Variants in KCNQ3 observed in about 807,000 individuals in gnomAD.
KCNQ3 encodes potassium voltage-gated channel subfamily KQT member 3.
KCNQ3 carries 30 observed loss-of-function variants against 92.5 expected under a neutral mutation model. That is an observed-to-expected ratio of 0.32 (90% confidence interval 0.24 to 0.44). KCNQ3 has a LOEUF of 0.44. Among genes scored for constraint, KCNQ3 ranks in the 20% least tolerant of loss-of-function variants. The probability of loss-of-function intolerance (pLI) is 1.00; values close to 1 mark genes in which losing one functional copy is unlikely to be tolerated. For synonymous variants in KCNQ3, 450 were observed against 468.8 expected, an observed-to-expected ratio of 0.96 and a Z score of 0.52; for missense variants, 913 against 1,140.3, an observed-to-expected ratio of 0.80 and a Z score of 2.87.
chr8:132,444,512 A>G (rs1030045446), intron 1 of KCNQ3, among the ~76,000 whole-genome samples: 3 of 152,208 alleles, frequency 2.0e-5, no homozygotes, highest in Non-Finnish European at 4.4e-5. Flanking sequence ...AGCAGCTGGG[A>G]CTGAACTTAG....
intron 1 of KCNQ3, among the ~76,000 whole-genome samples, chr8:132,189,274 G>A (rs1827085110): frequency 6.6e-6 from 1 of 152,130 alleles, no homozygotes; most frequent in African/African-American, 2.4e-5. Flanking sequence ...CTCTCTGCAG[G>A]CTCCCTTGTG....
chr8:132,275,375 A>G (rs917554769), intron 1 of KCNQ3, among the ~76,000 whole-genome samples: 8 of 152,282 alleles, frequency 5.3e-5, no homozygotes, highest in Admixed American at 5.2e-4. Flanking sequence ...AGCAAACTCA[A>G]TGAATTTATT....
At chr8:132,282,825 C>T (rs1457781) in intron 1 of KCNQ3, among the ~76,000 whole-genome samples, 68,630 of 152,078 alleles carry the variant, frequency 0.45, 17,647 homozygotes, top group East Asian at 0.73. Flanking sequence ...GATGGGGAAA[C>T]CTGCATGTTA....
intron 3 of KCNQ3, among the ~76,000 whole-genome samples, 183 bp from the exon 4 acceptor site, chr8:132,180,512 C>A (rs1826724532): frequency 1.3e-5 from 2 of 152,188 alleles, no homozygotes; most frequent in Non-Finnish European, 2.9e-5. Context: ...TCTCCCATGA[C>A]TGATGAGGAA....
chr8:132,475,113 T>C (rs1001758399), intron 1 of KCNQ3, among the ~76,000 whole-genome samples: 1 of 152,170 alleles, frequency 6.6e-6, no homozygotes, highest in Non-Finnish European at 1.5e-5. Context: ...TCTGCCACGA[T>C]TGTAGGTTTC....
intron 1 of KCNQ3, among the ~76,000 whole-genome samples, chr8:132,281,114 A>G (rs1487063513): frequency 6.6e-6 from 1 of 152,148 alleles, no homozygotes; most frequent in East Asian, 1.9e-4. Flanking sequence ...GACTTCATTT[A>G]ATAGTCCACA....
At chr8:132,380,671 C>A (rs1213148685) in intron 1 of KCNQ3, among the ~76,000 whole-genome samples, 3 of 151,780 alleles carry the variant, frequency 2.0e-5, no homozygotes, top group Non-Finnish European at 4.4e-5. Flanking sequence ...TTTTTCCCAC[C>A]CTCCCTCCCT....
At chr8:132,305,746 C>G (rs865870179) in intron 1 of KCNQ3, among the ~76,000 whole-genome samples, 17 of 152,094 alleles carry the variant, frequency 1.1e-4, no homozygotes, top group African/African-American at 4.1e-4. Context: ...CCTCTTGTCC[C>G]TTCAACTTGG....
intron 1 of KCNQ3, among the ~76,000 whole-genome samples, chr8:132,345,889 GTGATGA>G (rs1020441488): frequency 1.3e-5 from 2 of 151,900 alleles, no homozygotes; most frequent in African/African-American, 4.8e-5. Context: ...GGATGGAATG[GTGATGA>G]TGATGATGAT....
chr8:132,320,176 A>G (rs1817859126), intron 1 of KCNQ3, among the ~76,000 whole-genome samples: 2 of 152,180 alleles, frequency 1.3e-5, no homozygotes, highest in Non-Finnish European at 2.9e-5. Flanking sequence ...ATTTTCATGT[A>G]TTTTAACCAG....
Position 132,172,661 on chromosome 8 carries a change from C to T in KCNQ3, c.1077G>A (p.Val359=), listed in dbSNP as rs750375617. The T allele has an allele frequency of 1.6e-4, 251 of 1,613,836 alleles. No homozygotes were observed. Among genetic ancestry groups the T allele is most frequent in the Non-Finnish European group, 2.1e-4 (244 of 1,180,044 alleles). ...AGTGCTTCTGACGGTGTTGCTCCTG[C>T]ACCTTGAGGGCCAGCCCGGACCCCA... ...GILGSGLALK[V]QEQHRQKHFE... Residue 359 remains valine (V), a synonymous_variant, in exon 7 of 15, where the codon GTG becomes GTA. Coordinates refer to ENST00000388996, the MANE Select transcript of KCNQ3 (RefSeq NM_004519.4).
chr8:132,356,942 C>T (rs1819034180), intron 1 of KCNQ3, among the ~76,000 whole-genome samples: 1 of 151,978 alleles, frequency 6.6e-6, no homozygotes, highest in African/African-American at 2.4e-5. Flanking sequence ...AAAATATGTG[C>T]CAGACTTGAG....
Position 132,129,532 on chromosome 8 carries a change from C to T in KCNQ3, c.2349G>A (p.Thr783=), listed in dbSNP as rs145063831. 3.3e-4 allele frequency: 530 copies of T among 1,614,196 alleles called. No individual in the cohort carries two copies. The highest frequency in any genetic ancestry group is 9.9e-4 in the Middle Eastern group (6 of 6,062). Residue 783 remains threonine, a synonymous_variant, in exon 15 of 15, where the codon ACG becomes ACA. Coordinates refer to ENST00000388996, the MANE Select transcript of KCNQ3 (RefSeq NM_004519.4). This position sits in a 1 kb window ranked among gnomAD's most constrained non-coding sequence, Gnocchi z 5.9. ...GGGACAGAGGTGTGTCACTGTCTCG[C>T]GTGATGCTACGTCTCTGCCGGGGGG... ...RISPRQRRSI[T]RDSDTPLSLM... is the part of the protein sequence containing the mutation.
At chr8:132,302,636 G>T (rs927690025) in intron 1 of KCNQ3, among the ~76,000 whole-genome samples, 2 of 152,206 alleles carry the variant, frequency 1.3e-5, no homozygotes, top group African/African-American at 4.8e-5. Context: ...TCTCCTGAAA[G>T]GGTTGACCCC....
chr8:132,418,667 T>A (rs2130807539), intron 1 of KCNQ3, among the ~76,000 whole-genome samples: 1 of 152,224 alleles, frequency 6.6e-6, no homozygotes, highest in South Asian at 2.1e-4. Flanking sequence ...GTGCCTGTAG[T>A]CCCAGCTACT....
chr8:132,480,363 A>G lies in KCNQ3; in HGVS notation c.170T>C (p.Leu57Pro), dbSNP rs886062692. The change falls in exon 1 of 15, where the codon CTC (leucine) becomes CCC (proline). Residue 57 changes from leucine (L) to proline (P), a missense_variant. This residue lies in a region of KCNQ3 where 183 missense variants were observed against 167.7 expected (regional missense o/e 1.09). Coordinates refer to ENST00000388996, the MANE Select transcript of KCNQ3 (RefSeq NM_004519.4). ...PGDVEQVTLA[L>P]GAGADKDGTL... is the part of the protein sequence containing the mutation. ...CCCGTCTTTGTCGGCTCCGGCCCCG[A>G]GCGCCAAGGTGACTTGCTCCACGTC... is the stretch of plus-strand genomic sequence containing the variant. 3.1e-6 allele frequency: 5 copies of G among 1,587,662 alleles called. No individual in the cohort carries two copies. Among genetic ancestry groups the G allele is most frequent in the Middle Eastern group, 1.8e-4 (1 of 5,642 alleles).
chr8:132,327,521 G>C (rs765343441), intron 1 of KCNQ3, among the ~76,000 whole-genome samples: 2 of 152,066 alleles, frequency 1.3e-5, no homozygotes, highest in Admixed American at 6.6e-5. Context: ...CTGGCTTTTG[G>C]GGTTCCACTA....
intron 1 of KCNQ3, among the ~76,000 whole-genome samples, chr8:132,258,218 C>G (rs1279769345): frequency 6.6e-6 from 1 of 152,080 alleles, no homozygotes; most frequent in Non-Finnish European, 1.5e-5. Context: ...ACATTCTTCT[C>G]AAGTACACAT....
intron 1 of KCNQ3, among the ~76,000 whole-genome samples, chr8:132,373,301 T>C (rs1249873282): frequency 6.6e-6 from 1 of 152,160 alleles, no homozygotes; most frequent in Non-Finnish European, 1.5e-5. Context: ...CATATATTTA[T>C]TAATATCATT....
Sources: allele counts gnomAD v4.1 joint callset (sites outside exome capture counted in the v4.1 genomes callset), GRCh38; gene constraint gnomAD v4.1.1; regional missense constraint gnomAD v4.1.1; non-coding constraint Gnocchi (gnomAD v3.1); transcripts MANE v1.5; gene names NCBI Gene and HGNC (gene_info 2026-07-23, HGNC 2026-07-21).